The following SCHIP1 variants were observed in gnomAD, a reference collection of about 807,000 sequenced individuals.
The protein encoded by SCHIP1 is schwannomin-interacting protein 1.
In SCHIP1, 8 loss-of-function variants were observed where a neutral mutation model predicts 29.7. The ratio of observed to expected loss-of-function variants is 0.27; its 90% CI spans 0.16 to 0.49. SCHIP1 has a LOEUF of 0.49. Among genes scored for constraint, SCHIP1 ranks in the 20% least tolerant of loss-of-function variants. The pLI, the probability that SCHIP1 is intolerant of heterozygous loss-of-function variation, is 0.99. For synonymous variants in SCHIP1, 76 were observed against 94.9 expected (o/e 0.80, Z 1.16); for missense variants, 193 against 294.6 (o/e 0.66, Z 2.52).
the SCHIP1 span, among the ~76,000 whole-genome samples, chr3:159,596,748 A>G: frequency 9.3e-5 from 14 of 150,256 alleles, no homozygotes; most frequent in Non-Finnish European, 1.9e-4. Flanking sequence ...GAACTGAACA[A>G]TGAGAACACT....
chr3:159,890,223 G>A (rs531532669), intron 5 of SCHIP1, among the ~76,000 whole-genome samples: 1 of 152,316 alleles, frequency 6.6e-6, no homozygotes, highest in African/African-American at 2.4e-5. Context: ...GTCGGAGAGA[G>A]AAATGATTCA....
chr3:159,594,663 A>G, the SCHIP1 span, among the ~76,000 whole-genome samples: 4 of 152,224 alleles, frequency 2.6e-5, no homozygotes, highest in Non-Finnish European at 5.9e-5. Flanking sequence ...AAATCCATTA[A>G]TAACATCTTC....
chr3:159,545,819 C>T, the SCHIP1 span, among the ~76,000 whole-genome samples: 1 of 150,210 alleles, frequency 6.7e-6, no homozygotes, highest in Non-Finnish European at 1.5e-5. Flanking sequence ...TTGTTCTGTC[C>T]CTCTAGAGAA....
intron 2 of SCHIP1, among the ~76,000 whole-genome samples, chr3:159,880,506 C>T (rs188476726): frequency 1.3e-5 from 2 of 152,138 alleles, no homozygotes; most frequent in Non-Finnish European, 2.9e-5. Context: ...TGTTAGAAGA[C>T]CTAGTTTTTA....
the SCHIP1 span, among the ~76,000 whole-genome samples, chr3:159,416,774 A>G: frequency 6.6e-6 from 1 of 152,240 alleles, no homozygotes; most frequent in Non-Finnish European, 1.5e-5. Flanking sequence ...CATCTGATGC[A>G]TGCATATGGT....
the SCHIP1 span, among the ~76,000 whole-genome samples, chr3:159,762,580 G>T: frequency 6.6e-6 from 1 of 152,144 alleles, no homozygotes; most frequent in African/African-American, 2.4e-5. Context: ...AGAGAAATTG[G>T]TTCTCTCCGA....
the SCHIP1 span, among the ~76,000 whole-genome samples, chr3:159,422,076 T>G: frequency 6.6e-5 from 10 of 152,256 alleles, no homozygotes; most frequent in Non-Finnish European, 1.5e-4. Flanking sequence ...TAAATTTAAA[T>G]TCCAATGGTC....
At chr3:159,406,345 C>T in the SCHIP1 span, among the ~76,000 whole-genome samples, 4 of 152,234 alleles carry the variant, frequency 2.6e-5, no homozygotes, top group South Asian at 8.3e-4. Flanking sequence ...GAAACAACAA[C>T]AACAACAAAA....
chr3:159,885,095 T>G (rs1370120859), intron 2 of SCHIP1, among the ~76,000 whole-genome samples: 1 of 152,228 alleles, frequency 6.6e-6, no homozygotes, highest in Non-Finnish European at 1.5e-5. Context: ...AAATGAGTGA[T>G]CTGATCAATT....
At chr3:159,614,812 C>T in the SCHIP1 span, among the ~76,000 whole-genome samples, 2 of 152,122 alleles carry the variant, frequency 1.3e-5, no homozygotes, top group Non-Finnish European at 2.9e-5. Context: ...GACTTTTGTT[C>T]GTTTATTTAA....
At chr3:159,689,926 C>A in the SCHIP1 span, among the ~76,000 whole-genome samples, 1 of 152,156 alleles carries the variant, frequency 6.6e-6, no homozygotes, top group Non-Finnish European at 1.5e-5. Flanking sequence ...GTTTAACCAG[C>A]CTTGCATCCT....
At chr3:159,497,037 T>C in the SCHIP1 span, among the ~76,000 whole-genome samples, 1 of 152,126 alleles carries the variant, frequency 6.6e-6, no homozygotes, top group South Asian at 2.1e-4. Context: ...TTCTCACTCA[T>C]AGGTGGGAAT....
chr3:159,403,358 T>C, the SCHIP1 span, among the ~76,000 whole-genome samples: 1 of 152,094 alleles, frequency 6.6e-6, no homozygotes, highest in African/African-American at 2.4e-5. Context: ...CTACCTGGTT[T>C]TAACATCATG....
the SCHIP1 span, among the ~76,000 whole-genome samples, chr3:159,330,132 G>C: frequency 6.6e-6 from 1 of 152,146 alleles, no homozygotes; most frequent in Admixed American, 6.5e-5. Context: ...ATGTGGAAGG[G>C]TAAAACCAAC....
At chr3:159,814,365 T>G in the SCHIP1 span, among the ~76,000 whole-genome samples, 1 of 152,192 alleles carries the variant, frequency 6.6e-6, no homozygotes, top group Non-Finnish European at 1.5e-5. Context: ...CCCAGAGCAC[T>G]CTGAATAAAC....
the SCHIP1 span, among the ~76,000 whole-genome samples, chr3:159,437,588 G>A: frequency 9.7e-4 from 147 of 151,716 alleles, 2 homozygotes; most frequent in African/African-American, 3.3e-3. Context: ...GTGAAATTCC[G>A]GAGGAAGGAG....
the SCHIP1 span, among the ~76,000 whole-genome samples, chr3:159,605,726 T>C: frequency 1.3e-5 from 2 of 152,180 alleles, no homozygotes; most frequent in East Asian, 3.8e-4. Context: ...TTAAGGCTTA[T>C]TTAAATAATT....
At chr3:159,539,965 A>C in the SCHIP1 span, among the ~76,000 whole-genome samples, 1 of 152,098 alleles carries the variant, frequency 6.6e-6, no homozygotes, top group South Asian at 2.1e-4. Context: ...GTTAGGAAAG[A>C]CATGTTGTTC....
the SCHIP1 span, among the ~76,000 whole-genome samples, chr3:159,718,255 A>G: frequency 6.6e-6 from 1 of 152,220 alleles, no homozygotes; most frequent in African/African-American, 2.4e-5. Context: ...GCTATTTATG[A>G]CAAATCCACA....
Sources: gnomAD v4.1 joint callset for allele counts (sites outside exome capture counted in the v4.1 genomes callset) on GRCh38, gnomAD v4.1.1 for gene constraint, MANE v1.5 for transcripts, NCBI Gene and HGNC (gene_info 2026-07-23, HGNC 2026-07-21) for gene names.